DPP10: variants seen among roughly 807,000 people sequenced by gnomAD.
DPP10 encodes inactive dipeptidyl peptidase 10.
Under a neutral mutation model 120.9 loss-of-function variants are expected in DPP10, and 33 were observed. That is an observed-to-expected ratio of 0.27 (90% CI 0.21 to 0.37). DPP10 has a LOEUF of 0.37. DPP10 is among the 10% of genes least tolerant of loss of function. The pLI is 1.00. For synonymous variants in DPP10, 337 were observed against 326.1 expected (o/e 1.03, Z -0.36); for missense variants, 816 against 942.8 (o/e 0.87, Z 1.76).
At chr2:115,223,178 C>CA (rs1328993828) in intron 1 of DPP10, among the ~76,000 whole-genome samples, 1 of 152,044 alleles carries the variant, frequency 6.6e-6, no homozygotes, top group Non-Finnish European at 1.5e-5. Context: ...GTAAAGACGG[C>CA]AATAAGAGGG....
At chr2:115,222,583 T>G (rs1254202245) in intron 1 of DPP10, among the ~76,000 whole-genome samples, 2 of 152,168 alleles carry the variant, frequency 1.3e-5, no homozygotes, top group East Asian at 3.9e-4. Flanking sequence ...AAAGTGTAAG[T>G]CCAACAAACC....
At chr2:115,229,829 A>G (rs2105478468) in intron 1 of DPP10, among the ~76,000 whole-genome samples, 1 of 150,252 alleles carries the variant, frequency 6.7e-6, no homozygotes, top group African/African-American at 2.4e-5. Context: ...GAAGTCTGGT[A>G]ATGTAATTTC....
intron 19 of DPP10, among the ~76,000 whole-genome samples, chr2:115,804,907 G>C (rs1240694121): frequency 6.6e-6 from 1 of 152,220 alleles, no homozygotes; most frequent in African/African-American, 2.4e-5. Context: ...CAGTCTGCCT[G>C]TTCTCAGATC....
chr2:115,205,994 A>G (rs1315581339), intron 1 of DPP10, among the ~76,000 whole-genome samples: 1 of 152,172 alleles, frequency 6.6e-6, no homozygotes, highest in African/African-American at 2.4e-5. Context: ...TATCCTTGTA[A>G]CTACCTGCAT....
At chr2:114,990,569 C>A (rs1039036664) in intron 1 of DPP10, among the ~76,000 whole-genome samples, 3 of 152,056 alleles carry the variant, frequency 2.0e-5, no homozygotes, top group African/African-American at 7.2e-5. Flanking sequence ...TATTATTCTA[C>A]ATTTAATTAT....
At position 114,594,469 on chromosome 2, in the gene DPP10, G is replaced by C. The variant is rs973613757; in HGVS notation, c.60+151631G>C. Among the ~76,000 whole-genome samples, 3 of 146,124 alleles carry C rather than the reference G, an allele frequency of 2.1e-5. No homozygotes were observed. The Admixed American group carries it at 2.1e-4, about 10-fold the overall frequency. ...ATGTGAACACATACATATGTAAAAG[G>C]GAGTTTATTATATATTATATATACA... On this transcript the variant is annotated intron_variant, in intron 1 of 25. Coordinates refer to ENST00000410059, the MANE Select transcript of DPP10 (RefSeq NM_020868.6).
At chr2:115,316,312 C>G (rs1481342149) in intron 2 of DPP10, among the ~76,000 whole-genome samples, 3 of 152,156 alleles carry the variant, frequency 2.0e-5, no homozygotes, top group Admixed American at 2.0e-4. Context: ...TGACATGTGT[C>G]ATAATCCTTG....
intron 1 of DPP10, among the ~76,000 whole-genome samples, chr2:114,491,002 C>T (rs1420270849): frequency 1.3e-5 from 2 of 152,138 alleles, no homozygotes; most frequent in Non-Finnish European, 1.5e-5. Context: ...TTAAAGTATT[C>T]ATTGAGTGCC....
intron 3 of DPP10, among the ~76,000 whole-genome samples, chr2:115,354,061 A>T (rs1199789051): frequency 1.3e-5 from 2 of 152,168 alleles, no homozygotes; most frequent in African/African-American, 4.8e-5. Context: ...TTCTTATATG[A>T]TTGATTTTAC....
chr2:114,464,640 C>A (rs1252623668), intron 1 of DPP10, among the ~76,000 whole-genome samples: 6 of 152,118 alleles, frequency 3.9e-5, no homozygotes, highest in South Asian at 4.2e-4. Flanking sequence ...ATGGTTATAT[C>A]CTCTACTATA....
intron 1 of DPP10, among the ~76,000 whole-genome samples, chr2:114,983,859 G>A (rs1487907891): frequency 6.6e-6 from 1 of 152,106 alleles, no homozygotes. Context: ...GCCTGGAGAG[G>A]TTAAGCAATT....
chr2:114,821,400 C>G (rs1471755093), intron 1 of DPP10, among the ~76,000 whole-genome samples: 1 of 150,808 alleles, frequency 6.6e-6, no homozygotes, highest in Admixed American at 6.6e-5. Flanking sequence ...GATTGCCTGC[C>G]AGGCTCTAAA....
chr2:115,067,306 C>T (rs1415960443), intron 1 of DPP10, among the ~76,000 whole-genome samples: 2 of 151,836 alleles, frequency 1.3e-5, no homozygotes, highest in Non-Finnish European at 2.9e-5. Flanking sequence ...GGCTGGAGTG[C>T]GGTGGCGCCA....
At chr2:115,134,701 C>T (rs1285980160) in intron 1 of DPP10, among the ~76,000 whole-genome samples, 4 of 151,572 alleles carry the variant, frequency 2.6e-5, no homozygotes, top group Non-Finnish European at 5.9e-5. Flanking sequence ...AAAATATTTA[C>T]AATATCAACA....
intron 3 of DPP10, among the ~76,000 whole-genome samples, chr2:115,417,327 A>G (rs541509132): frequency 1.3e-5 from 2 of 152,168 alleles, no homozygotes; most frequent in Non-Finnish European, 2.9e-5. Context: ...TTAGAAAATG[A>G]TGTCGACTTC....
intron 1 of DPP10, among the ~76,000 whole-genome samples, chr2:114,757,373 G>A (rs1358060320): frequency 7.3e-6 from 1 of 136,822 alleles, no homozygotes. Flanking sequence ...GGAGGGAGAA[G>A]TAAAAGAAGG....
At chr2:115,289,506 G>GGAAGAAAAGAA (rs1553539672) in intron 1 of DPP10, among the ~76,000 whole-genome samples, 2 of 114,390 alleles carry the variant, frequency 1.7e-5, no homozygotes, top group South Asian at 3.0e-4. Flanking sequence ...AAAAAAAAAG[G>GGAAGAAAAGAA]AAGAAAAGAA....
chr2:114,597,417 G>A (rs1244457920), intron 1 of DPP10, among the ~76,000 whole-genome samples: 1 of 152,010 alleles, frequency 6.6e-6, no homozygotes, highest in African/African-American at 2.4e-5. Context: ...CATGCTCAGA[G>A]TAAATATAGG....
At chr2:114,542,453 C>G (rs530455451) in intron 1 of DPP10, among the ~76,000 whole-genome samples, 4 of 152,300 alleles carry the variant, frequency 2.6e-5, no homozygotes, top group Non-Finnish European at 5.9e-5. Flanking sequence ...ACACTTGGAG[C>G]TGATGACTTG....
Sources: allele counts gnomAD v4.1 joint callset (sites outside exome capture counted in the v4.1 genomes callset), GRCh38; gene constraint gnomAD v4.1.1; transcripts MANE v1.5; gene names NCBI Gene and HGNC (gene_info 2026-07-23, HGNC 2026-07-21).